The following HIVEP3 variants were observed in gnomAD, a reference collection of about 807,000 sequenced individuals.
HIVEP3 encodes transcription factor HIVEP3.
A neutral mutation model predicts 152.8 loss-of-function variants in HIVEP3; 49 were observed. The ratio of observed to expected loss-of-function variants is 0.32; its 90% CI spans 0.26 to 0.41. The LOEUF (loss-of-function observed/expected upper bound fraction) is 0.41, where lower values mean the gene tolerates loss of function less well. HIVEP3 is among the 10% of genes least tolerant of loss of function. The probability of loss-of-function intolerance (pLI) is 1.00; values close to 1 mark genes in which losing one functional copy is unlikely to be tolerated. For synonymous variants in HIVEP3, 1,269 were observed against 1,289.0 expected, an observed-to-expected ratio of 0.98 and a Z score of 0.33; for missense variants, 2,790 against 3,103.3, an observed-to-expected ratio of 0.90 and a Z score of 2.40.
At position 41,917,616 on chromosome 1, in the gene HIVEP3, G is replaced by A. The variant is rs536570835; in HGVS notation, c.-801+797C>T. On this transcript the variant is annotated intron_variant, in intron 1 of 8. Coordinates refer to ENST00000372583, the MANE Select transcript of HIVEP3 (RefSeq NM_024503.5). ...TTCCTCTGCACCACTGCCACACTCA[G>A]GAGTCCTCAGCAGCCTGGACAATAT... 7.9e-5 allele frequency among the ~76,000 whole-genome samples: 12 copies of A among 152,292 alleles called. No individual in the cohort carries two copies. In the South Asian group the frequency reaches 1.5e-3, roughly 18 times the overall value.
At chr1:41,776,557 G>T (rs1194275636) in intron 1 of HIVEP3, among the ~76,000 whole-genome samples, 8 of 152,202 alleles carry the variant, frequency 5.3e-5, no homozygotes, top group Non-Finnish European at 1.0e-4. Flanking sequence ...TGAAGATGAG[G>T]CTGCAGACCA....
intron 2 of HIVEP3, among the ~76,000 whole-genome samples, chr1:41,652,121 A>C (rs12130138): frequency 0.56 from 84,498 of 151,996 alleles, 24,092 homozygotes; most frequent in East Asian, 0.97. Flanking sequence ...GGAGGCTCAG[A>C]GATGTCAAGT....
At chr1:42,029,202 T>C (rs1012407061) in intron 1 of HIVEP3, among the ~76,000 whole-genome samples, 2 of 152,126 alleles carry the variant, frequency 1.3e-5, no homozygotes, top group Non-Finnish European at 2.9e-5. Flanking sequence ...AGTGTGAAGA[T>C]TTCATTAGTT....
Position 41,511,158 on chromosome 1 carries a change from T to TCCGGG in HIVEP3, c.6509_6513dup (p.Thr2172ProfsTer18), listed in dbSNP as rs1644449899. The TCCGGG allele has an allele frequency of 1.2e-6, 2 of 1,613,928 alleles. No homozygotes were observed. Among genetic ancestry groups the TCCGGG allele is most frequent in the African/African-American group, 1.3e-5 (1 of 74,900 alleles). On this transcript the variant is annotated frameshift_variant, in exon 9 of 9. Transcript: ENST00000372583. LOFTEE classifies it high-confidence loss of function. The surrounding 1 kb of genome is among the most constrained non-coding windows in gnomAD (Gnocchi z 4.9). ...AGGTGGCTGAAGATGTTCTCCTCTG[T>TCCGGG]CCGGGCCAGGATGTGGCCGTGGAAG...
At chr1:41,701,077 A>C in intron 1 of HIVEP3, 82 bp from the exon 2 acceptor site, 1 of 560,370 alleles carries the variant, frequency 1.8e-6, no homozygotes, top group Non-Finnish European at 2.3e-6. Flanking sequence ...GCACCCAAAA[A>C]TGGTGAGCAC....
intron 1 of HIVEP3, among the ~76,000 whole-genome samples, chr1:41,998,755 A>T (rs1482141026): frequency 6.6e-6 from 1 of 152,192 alleles, no homozygotes; most frequent in Non-Finnish European, 1.5e-5. Context: ...TGTCTTTTAT[A>T]TAACAAGAAG....
intron 1 of HIVEP3, among the ~76,000 whole-genome samples, chr1:41,989,112 A>C (rs996784115): frequency 6.6e-6 from 1 of 152,176 alleles, no homozygotes; most frequent in African/African-American, 2.4e-5. Flanking sequence ...AATTTCAGTT[A>C]GATGGGAAGA....
At position 41,582,803 on chromosome 1, in the gene HIVEP3, G is replaced by A. The variant is rs563795482; in HGVS notation, c.1995C>T (p.Tyr665=). 82 of 1,614,218 alleles carry A rather than the reference G, an allele frequency of 5.1e-5. No individual in the cohort carries two copies. The South Asian group carries it at 8.1e-4, about 16-fold the overall frequency. ...GCTTTGCGATCTGAAGCTCTGAGCA[G>A]TAGTATTTTTTGTGGGCTTCGTAGT... The part of the protein sequence containing the change: ...RDNYEAHKKY[Y]CSELQIAKPI... The change falls in exon 4 of 9, where the codon TAC becomes TAT. Residue 665 remains tyrosine, a synonymous_variant. Coordinates refer to ENST00000372583, the MANE Select transcript of HIVEP3 (RefSeq NM_024503.5). This position sits in a 1 kb window ranked among gnomAD's most constrained non-coding sequence, Gnocchi z 4.7.
At chr1:41,770,953 C>T (rs572693231) in intron 1 of HIVEP3, among the ~76,000 whole-genome samples, 3 of 151,954 alleles carry the variant, frequency 2.0e-5, no homozygotes, top group South Asian at 2.1e-4. Context: ...GCATTGTCAA[C>T]GGGGCATTTC....
chr1:41,903,484 G>T (rs981457564), intron 1 of HIVEP3, among the ~76,000 whole-genome samples: 4 of 152,242 alleles, frequency 2.6e-5, no homozygotes, highest in African/African-American at 9.6e-5. Context: ...CTGAGGCCTT[G>T]TTATTCTGCA....
chr1:41,839,825 C>T (rs747230410), intron 1 of HIVEP3, among the ~76,000 whole-genome samples: 6 of 152,166 alleles, frequency 3.9e-5, no homozygotes, highest in East Asian at 1.9e-4. Flanking sequence ...CGGTGACCAC[C>T]CTGGATGCAA....
intron 5 of HIVEP3, among the ~76,000 whole-genome samples, chr1:41,546,943 C>T (rs76421484): frequency 0.027 from 4,175 of 152,302 alleles, 186 homozygotes; most frequent in African/African-American, 0.096. Context: ...TTCCAAATGA[C>T]AGAAAGAGAA....
intron 3 of HIVEP3, among the ~76,000 whole-genome samples, chr1:41,594,482 G>A (rs868207886): frequency 4.6e-5 from 7 of 152,054 alleles, no homozygotes; most frequent in African/African-American, 1.4e-4. Context: ...TCAGCCTCCC[G>A]AAGTGCTGGG....
At chr1:41,896,760 G>A (rs561131282) in intron 1 of HIVEP3, among the ~76,000 whole-genome samples, 1 of 152,078 alleles carries the variant, frequency 6.6e-6, no homozygotes, top group South Asian at 2.1e-4. Flanking sequence ...ATTTTTAGTA[G>A]AGATAGGGTT....
At position 41,801,030 on chromosome 1, in the gene HIVEP3, T is replaced by A. The variant is rs77449493; in HGVS notation, c.-800-100035A>T. Among the ~76,000 whole-genome samples the A allele has an allele frequency of 3.3e-3, 498 of 152,266 alleles. 6 individuals carry two copies. Among genetic ancestry groups the A allele is most frequent in the African/African-American group, 0.012 (485 of 41,546 alleles). ...TTTACCCACAAGGAGCTACAATTAC[T>A]AAGTGGAGTTAAATAAAGTCACAAA... On this transcript the variant is annotated intron_variant, in intron 1 of 8. Coordinates refer to ENST00000372583, the MANE Select transcript of HIVEP3 (RefSeq NM_024503.5).
intron 2 of HIVEP3, among the ~76,000 whole-genome samples, chr1:41,636,572 T>C (rs943707727): frequency 6.6e-6 from 1 of 152,008 alleles, no homozygotes; most frequent in African/African-American, 2.4e-5. Flanking sequence ...TATGAAAAAG[T>C]GTCAATATCC....
intron 5 of HIVEP3, among the ~76,000 whole-genome samples, chr1:41,528,497 ACT>A (rs1558031668): frequency 2.7e-5 from 1 of 37,594 alleles, no homozygotes; most frequent in Non-Finnish European, 4.9e-5. Flanking sequence ...CCCCACCCTC[ACT>A]CACCTTCACA....
At chr1:41,934,381 AT>A (rs1297742572) in intron 1 of HIVEP3, among the ~76,000 whole-genome samples, 1 of 152,134 alleles carries the variant, frequency 6.6e-6, no homozygotes, top group African/African-American at 2.4e-5. Context: ...CTCCCTGAAG[AT>A]ACCTATCTCT....
In HIVEP3 at chr1:41,544,940, C is replaced by T. The variant is rs1440579737; in HGVS notation, c.5208-20030G>A. Among the ~76,000 whole-genome samples, 10 of 41,882 alleles carry T rather than the reference C, an allele frequency of 2.4e-4. 2 individuals carry two copies. Among genetic ancestry groups the T allele is most frequent in the Admixed American group, 4.2e-4 (2 of 4,712 alleles). The allele number at this position is 41,882 out of a possible 152,430, so 27.5% of individuals were successfully genotyped here. ...CCTCTACCACCACCATCACCACCACCACCACTACCACCTCTACCATCACCA... is the reference window on the plus strand; with the variant it reads ...CCTCTACCACCACCATCACCACCACTACCACTACCACCTCTACCATCACCA... On this transcript the variant is annotated intron_variant, in intron 5 of 8. Transcript: ENST00000372583.
Sources: allele counts gnomAD v4.1 joint callset (sites outside exome capture counted in the v4.1 genomes callset), GRCh38; gene constraint gnomAD v4.1.1; non-coding constraint Gnocchi (gnomAD v3.1); transcripts MANE v1.5; gene names NCBI Gene and HGNC (gene_info 2026-07-23, HGNC 2026-07-21).